Variants in HECW1 observed in about 807,000 individuals in gnomAD.
The protein encoded by HECW1 is HECT, C2 and WW domain containing E3 ubiquitin protein ligase 1.
A neutral mutation model predicts 182.3 loss-of-function variants in HECW1; 61 were observed. That is an observed-to-expected ratio of 0.33 (90% confidence interval 0.27 to 0.41). HECW1 has a LOEUF of 0.41. HECW1 is among the 10% of genes least tolerant of loss of function. The probability of loss-of-function intolerance (pLI) is 1.00; values close to 1 mark genes in which losing one functional copy is unlikely to be tolerated. For synonymous variants in HECW1, 859 were observed against 832.6 expected (o/e 1.03, Z -0.55); for missense variants, 1,739 against 2,108.9 (o/e 0.82, Z 3.44).
intron 3 of HECW1, among the ~76,000 whole-genome samples, chr7:43,281,837 A>G (rs990870648): frequency 1.3e-5 from 2 of 148,596 alleles, no homozygotes; most frequent in Non-Finnish European, 3.0e-5. Flanking sequence ...CTGGGATTTA[A>G]TATTATGGGT....
chr7:43,269,118 TC>T, intron 3 of HECW1, among the ~76,000 whole-genome samples: 2 of 152,206 alleles, frequency 1.3e-5, no homozygotes, highest in Non-Finnish European at 2.9e-5. Context: ...GTTCTGACCA[TC>T]TACCTCTTGA....
intron 2 of HECW1, among the ~76,000 whole-genome samples, chr7:43,125,011 T>TA (rs1294083335): frequency 4.6e-5 from 7 of 152,158 alleles, no homozygotes; most frequent in Admixed American, 4.6e-4. Flanking sequence ...ATTTATTTCT[T>TA]ACAGTTGTGG....
At chr7:43,308,254 A>T (rs1245668020) in intron 3 of HECW1, among the ~76,000 whole-genome samples, 1 of 98,560 alleles carries the variant, frequency 1.0e-5, no homozygotes, top group Non-Finnish European at 2.0e-5. Context: ...ATATATATAT[A>T]TTATATGATA....
At chr7:43,537,556 C>T (rs911101773) in intron 24 of HECW1, among the ~76,000 whole-genome samples, 7 of 151,944 alleles carry the variant, frequency 4.6e-5, no homozygotes, top group Admixed American at 2.6e-4. Flanking sequence ...GGTGTTTTCT[C>T]ATTCATGGAA....
At chr7:43,387,537 A>G (rs2074848497) in intron 6 of HECW1, among the ~76,000 whole-genome samples, 1 of 152,258 alleles carries the variant, frequency 6.6e-6, no homozygotes, top group African/African-American at 2.4e-5. Flanking sequence ...ACTTGTAGAC[A>G]TGCAGAAAAT....
intron 5 of HECW1, among the ~76,000 whole-genome samples, chr7:43,322,500 A>G (rs1044102339): frequency 1.3e-5 from 2 of 151,896 alleles, no homozygotes; most frequent in African/African-American, 2.4e-5. Context: ...ATCAGCTGCA[A>G]TCTCTCTGCT....
intron 2 of HECW1, among the ~76,000 whole-genome samples, chr7:43,166,914 G>C (rs1045156427): frequency 6.6e-6 from 1 of 152,238 alleles, no homozygotes; most frequent in Non-Finnish European, 1.5e-5. Context: ...GTGGCCGCAT[G>C]TGGATGACCC....
chr7:43,512,787 T>C (rs2079940332), intron 24 of HECW1, among the ~76,000 whole-genome samples: 1 of 152,236 alleles, frequency 6.6e-6, no homozygotes, highest in African/African-American at 2.4e-5. Flanking sequence ...TACATGATTA[T>C]ATTTTTTTAA....
chr7:43,475,363 G>T (rs561779513), intron 16 of HECW1, among the ~76,000 whole-genome samples: 2 of 152,110 alleles, frequency 1.3e-5, no homozygotes, highest in African/African-American at 4.8e-5. Context: ...TAAAAGCAAT[G>T]TTCTAGATGA....
chr7:43,508,697 G>A, intron 23 of HECW1: 1 of 458,496 alleles, frequency 2.2e-6, no homozygotes, highest in Admixed American at 3.7e-5. Flanking sequence ...TTAGCTCAGA[G>A]GTGTTAGATG....
chr7:43,478,022 A>G (rs1208891434), intron 16 of HECW1, among the ~76,000 whole-genome samples: 1 of 152,198 alleles, frequency 6.6e-6, no homozygotes, highest in East Asian at 1.9e-4. Context: ...AAAAAAAGGT[A>G]ATAACTTTCT....
At position 43,444,813 on chromosome 7, in the gene HECW1, G is replaced by A. The variant is rs760041430; in HGVS notation, c.1641G>A (p.Ala547=). 9 of 1,614,024 alleles carry A rather than the reference G, an allele frequency of 5.6e-6. No homozygotes were observed. In the East Asian group the frequency reaches 1.8e-4, roughly 32 times the overall value. Reference sequence around the variant, plus strand: ...TGTCCGAGCTGGAGACGGTGATCGCGTCAGCCTGCGGGGACCCCGAGACCC... The same window carrying A: ...TGTCCGAGCTGGAGACGGTGATCGCATCAGCCTGCGGGGACCCCGAGACCC... ...LPVSELETVI[A]SACGDPETPR... is the part of the protein sequence containing the mutation. The change falls in exon 11 of 30, where the codon GCG becomes GCA. Residue 547 remains alanine (A), a synonymous_variant. Coordinates refer to ENST00000395891, the MANE Select transcript of HECW1 (RefSeq NM_015052.5). The surrounding 1 kb of genome is among the most constrained non-coding windows in gnomAD (Gnocchi z 4.3).
chr7:43,332,827 C>A (rs1471628987), intron 5 of HECW1, among the ~76,000 whole-genome samples: 1 of 152,200 alleles, frequency 6.6e-6, no homozygotes, highest in Non-Finnish European at 1.5e-5. Flanking sequence ...TGCTGAGCAC[C>A]TTAAATATAT....
At chr7:43,115,573 T>G (rs969486633) in intron 2 of HECW1, among the ~76,000 whole-genome samples, 2 of 152,250 alleles carry the variant, frequency 1.3e-5, no homozygotes, top group African/African-American at 4.8e-5. Flanking sequence ...TCTCAAAACT[T>G]GCTAGCGCTG....
chr7:43,541,135 C>A, intron 24 of HECW1, 28 bp from the exon 25 acceptor site: 1 of 1,554,502 alleles, frequency 6.4e-7, no homozygotes, highest in Non-Finnish European at 8.9e-7. Flanking sequence ...TTCCACTTAC[C>A]GATTTCTCTG....
chr7:43,296,693 T>C (rs1433415096), intron 3 of HECW1, among the ~76,000 whole-genome samples: 1 of 152,178 alleles, frequency 6.6e-6, no homozygotes, highest in African/African-American at 2.4e-5. Flanking sequence ...TGCGAACTAA[T>C]GGAAAAAAGT....
intron 2 of HECW1, chr7:43,147,706 A>T (rs1019880410): frequency 1.3e-5 from 2 of 152,156 alleles, no homozygotes; most frequent in African/African-American, 2.4e-5. Flanking sequence ...AGGGTTCTCC[A>T]GTAATGGCCC....
chr7:43,503,663 T>C (rs2079461269), intron 21 of HECW1, among the ~76,000 whole-genome samples: 1 of 152,080 alleles, frequency 6.6e-6, no homozygotes, highest in Non-Finnish European at 1.5e-5. Context: ...TCCAAATACG[T>C]TGATTTTAAA....
chr7:43,374,631 G>T (rs577023629), intron 6 of HECW1, among the ~76,000 whole-genome samples: 1 of 75,958 alleles, frequency 1.3e-5, no homozygotes, highest in Admixed American at 1.2e-4. Context: ...AAAATTAGCC[G>T]GGCGCAGTGG....
Sources: gnomAD v4.1 joint callset for allele counts (sites outside exome capture counted in the v4.1 genomes callset) on GRCh38, gnomAD v4.1.1 for gene constraint, Gnocchi (gnomAD v3.1) non-coding constraint, MANE v1.5 for transcripts, NCBI Gene and HGNC (gene_info 2026-07-23, HGNC 2026-07-21) for gene names.